SNTB2: variants seen among roughly 807,000 people sequenced by gnomAD.
SNTB2 encodes the protein beta-2-syntrophin.
Under a neutral mutation model 46.2 loss-of-function variants are expected in SNTB2, and 34 were observed. That is an observed-to-expected ratio of 0.74 (90% CI 0.56 to 0.98). SNTB2 has a LOEUF of 0.98. SNTB2 is among the 50% of genes least tolerant of loss of function. The probability of loss-of-function intolerance (pLI) is 0.00; values close to 1 mark genes in which losing one functional copy is unlikely to be tolerated. For missense variants in SNTB2, 603 were observed against 731.4 expected, an observed-to-expected ratio of 0.82 and a Z score of 2.02; for synonymous variants, 290 against 312.6, an observed-to-expected ratio of 0.93 and a Z score of 0.76.
intron 2 of SNTB2, among the ~76,000 whole-genome samples, chr16:69,253,727 C>T (rs1964746991): frequency 6.6e-6 from 1 of 152,090 alleles, no homozygotes; most frequent in Non-Finnish European, 1.5e-5. Flanking sequence ...CTTTTTTCAG[C>T]CCAGTGGTCC....
intron 1 of SNTB2, among the ~76,000 whole-genome samples, chr16:69,199,596 A>C (rs1964139814): frequency 9.1e-6 from 1 of 110,492 alleles, no homozygotes; most frequent in Non-Finnish European, 1.9e-5. Context: ...ACACTGCCTC[A>C]AAAAAAAAAA....
At chr16:69,263,626 C>G (rs1483825093) in intron 3 of SNTB2, among the ~76,000 whole-genome samples, 1 of 151,860 alleles carries the variant, frequency 6.6e-6, no homozygotes, top group Admixed American at 6.6e-5. Flanking sequence ...CCATGTTGGT[C>G]AGGCTGGTCT....
chr16:69,262,399 G>A (rs1240720154), intron 3 of SNTB2, among the ~76,000 whole-genome samples: 13 of 151,168 alleles, frequency 8.6e-5, no homozygotes, highest in Admixed American at 1.3e-4. Flanking sequence ...TCGGCCTCCC[G>A]GGTTGTTGAT....
rs181036617 is a variant in SNTB2, at chr16:69,193,104, C to T, written c.580+5358C>T. On this transcript the variant is annotated intron_variant, in intron 1 of 6. Transcript: ENST00000336278. ...AATCTGTCATGCATGTAAAATGTTA[C>T]ACCTAGGCAGGTGTGGTTGGTCATT... 1.9e-3 allele frequency among the ~76,000 whole-genome samples: 290 copies of T among 151,944 alleles called. 1 individual carries two copies. Among genetic ancestry groups the T allele is most frequent in the Non-Finnish European group, 2.7e-3 (184 of 67,988 alleles).
At chr16:69,198,568 A>G (rs865897177) in intron 1 of SNTB2, among the ~76,000 whole-genome samples, 1 of 152,210 alleles carries the variant, frequency 6.6e-6, no homozygotes, top group Middle Eastern at 3.4e-3. Context: ...TTTATTTCTC[A>G]TATCCTCTCC....
rs144157310 is a variant in SNTB2 at position 69,226,019 on chromosome 16, C to T, written c.581-19583C>T. Among the ~76,000 whole-genome samples the T allele has an allele frequency of 5.3e-5, 8 of 152,012 alleles. No homozygotes were observed. In the East Asian group the frequency reaches 1.2e-3, roughly 22 times the overall value. On this transcript the variant is annotated intron_variant, in intron 1 of 6. Coordinates refer to ENST00000336278, the MANE Select transcript of SNTB2 (RefSeq NM_006750.4). ...CTGATCTCAAGTGATCTGCCCGCCTCGGCCTCCCAAAGTGCTAGGATTAAA... is the reference window on the plus strand; with the variant it reads ...CTGATCTCAAGTGATCTGCCCGCCTTGGCCTCCCAAAGTGCTAGGATTAAA...
chr16:69,273,815 C>T (rs1964961141), intron 4 of SNTB2, among the ~76,000 whole-genome samples: 1 of 152,118 alleles, frequency 6.6e-6, no homozygotes, highest in Admixed American at 6.6e-5. Flanking sequence ...CGATAGCATG[C>T]TACTGAAACT....
chr16:69,273,754 A>C (rs1964960625), intron 4 of SNTB2, among the ~76,000 whole-genome samples: 1 of 152,218 alleles, frequency 6.6e-6, no homozygotes, highest in South Asian at 2.1e-4. Flanking sequence ...ACAAGATTGA[A>C]AAGAGAGACT....
At chr16:69,245,575 C>G in intron 1 of SNTB2, 27 bp from the exon 2 acceptor site, 4 of 1,605,566 alleles carry the variant, frequency 2.5e-6, no homozygotes, top group Non-Finnish European at 3.4e-6. Context: ...AATTACTAAC[C>G]TTCTTCTTTG....
intron 1 of SNTB2, among the ~76,000 whole-genome samples, chr16:69,237,883 A>G (rs1417213910): frequency 1.3e-5 from 2 of 152,110 alleles, no homozygotes; most frequent in Admixed American, 1.3e-4. Context: ...GATTACCGGC[A>G]TGAGCCACCA....
chr16:69,187,196 T>A lies in SNTB2; in HGVS notation c.30T>A (p.Ala10=). 7.2e-7 allele frequency: 1 copy of A among 1,385,654 alleles called. No homozygotes were observed. The highest frequency in any genetic ancestry group is 9.4e-7 in the Non-Finnish European group (1 of 1,067,882). The allele number at this position is 1,385,654 out of a possible 1,614,324, so 85.8% of individuals were successfully genotyped here. Residue 10 remains alanine, a synonymous_variant, in exon 1 of 7, where the codon GCT becomes GCA. Coordinates refer to ENST00000336278, the MANE Select transcript of SNTB2 (RefSeq NM_006750.4). ...GGGTAGCTGCGGCGACTGCGGCGGC[T>A]GGAGCGGGGCCGGCCATGGCGGTGT... MRVAAATAA[A]GAGPAMAVWT... is the part of the protein sequence containing the mutation.
chr16:69,287,179 A>G (rs1965111893), intron 5 of SNTB2, among the ~76,000 whole-genome samples: 1 of 152,140 alleles, frequency 6.6e-6, no homozygotes, highest in African/African-American at 2.4e-5. Context: ...TTTTTTATAT[A>G]TATTTACATA....
At chr16:69,224,847 ATTAC>A (rs1049878092) in intron 1 of SNTB2, among the ~76,000 whole-genome samples, 6 of 151,984 alleles carry the variant, frequency 3.9e-5, no homozygotes, top group African/African-American at 1.4e-4. Flanking sequence ...TTTTGTTTTT[ATTAC>A]TTTTTCATTA....
rs1170876734 is a variant in SNTB2 at position 69,302,320 on chromosome 16, A to G, written c.*1396A>G. 6.6e-6 allele frequency: 1 copy of G among 152,184 alleles called. No individual in the cohort carries two copies. Among genetic ancestry groups the G allele is most frequent in the Non-Finnish European group, 1.5e-5 (1 of 68,030 alleles). The allele number at this position is 152,184 out of a possible 1,614,324, so 9.4% of individuals were successfully genotyped here. On this transcript the variant is annotated 3_prime_UTR_variant, in exon 7 of 7. Transcript: ENST00000336278. ...TATCTGCAAACATTTAAAATGGTATAATATCATATAAAATGTCAAAATTAG... is the reference window on the plus strand; with the variant it reads ...TATCTGCAAACATTTAAAATGGTATGATATCATATAAAATGTCAAAATTAG...
chr16:69,302,598 C>T lies in SNTB2; in HGVS notation c.*1674C>T, dbSNP rs1263769915. The T allele has an allele frequency of 6.6e-6, 1 of 152,126 alleles. No individual in the cohort carries two copies. The highest frequency in any genetic ancestry group is 1.5e-5 in the Non-Finnish European group (1 of 68,048). The allele number at this position is 152,126 out of a possible 1,614,324, so 9.4% of individuals were successfully genotyped here. A position where few individuals can be genotyped will look rare whatever the true frequency, so the allele number is the denominator to read the frequency against. On this transcript the variant is annotated 3_prime_UTR_variant, in exon 7 of 7. Coordinates refer to ENST00000336278, the MANE Select transcript of SNTB2 (RefSeq NM_006750.4). ...GTGCGGCCTGACCGATGGGGAGGAC[C>T]CATGAGCAGAGAGAGTTCTAGGTCA...
Position 69,277,771 on chromosome 16 carries a change from C to A in SNTB2, c.1149-6277C>A, listed in dbSNP as rs573438031. On this transcript the variant is annotated intron_variant, in intron 4 of 6. Coordinates refer to ENST00000336278, the MANE Select transcript of SNTB2 (RefSeq NM_006750.4). ...ATTTCTCTTTGATGTACATTCCTCA[C>A]CAAATTTTTAAAAATCCTGTATAGA... is the stretch of plus-strand genomic sequence containing the variant. Among the ~76,000 whole-genome samples the A allele has an allele frequency of 5.3e-5, 8 of 152,308 alleles. 1 individual carries two copies. The South Asian group carries it at 1.7e-3, about 32-fold the overall frequency.
chr16:69,254,901 T>C (rs1413453186), intron 2 of SNTB2, among the ~76,000 whole-genome samples: 1 of 151,950 alleles, frequency 6.6e-6, no homozygotes, highest in East Asian at 1.9e-4. Context: ...GGAGGATCAC[T>C]TGAGACCTGT....
chr16:69,268,944 C>T (rs1374073545), intron 3 of SNTB2, among the ~76,000 whole-genome samples: 6 of 151,984 alleles, frequency 3.9e-5, no homozygotes, highest in South Asian at 2.1e-4. Context: ...CCAAGGTGGG[C>T]GGATCATCTA....
intron 5 of SNTB2, among the ~76,000 whole-genome samples, chr16:69,289,552 TGACTTGATCATTAC>T (rs1965139837): frequency 6.6e-6 from 1 of 152,168 alleles, no homozygotes; most frequent in Non-Finnish European, 1.5e-5. Flanking sequence ...CTAAATCCCT[TGACTTGATCATTAC>T]ACATTTTACA....
Sources: allele counts gnomAD v4.1 joint callset (sites outside exome capture counted in the v4.1 genomes callset), GRCh38; gene constraint gnomAD v4.1.1; transcripts MANE v1.5; gene names NCBI Gene and HGNC (gene_info 2026-07-23, HGNC 2026-07-21).